The following MEIOSIN variants were observed in gnomAD, a reference collection of about 807,000 sequenced individuals.
MEIOSIN encodes meiosis initiator protein.
A neutral mutation model predicts 23.4 loss-of-function variants in MEIOSIN; 18 were observed. The ratio of observed to expected loss-of-function variants is 0.77; its 90% CI spans 0.53 to 1.14. The LOEUF is 1.14. Ranked by LOEUF, MEIOSIN falls within the 50% of genes most tolerant of loss-of-function variation. MEIOSIN has a pLI of 0.00. For missense variants in MEIOSIN, 428 were observed against 242.9 expected, an observed-to-expected ratio of 1.76 and a Z score of -5.07; for synonymous variants, 187 against 100.6, an observed-to-expected ratio of 1.86 and a Z score of -5.14.
chr19:45,758,834 G>A (rs1397395747), intron 9 of MEIOSIN, 44 bp from the exon 10 acceptor site: 4 of 696,656 alleles, frequency 5.7e-6, no homozygotes, highest in Admixed American at 2.0e-5. Flanking sequence ...TAGGGCAGAG[G>A]GTGATCTCTG....
At chr19:45,742,504 G>A (rs1383028584) in intron 3 of MEIOSIN, among the ~76,000 whole-genome samples, 2 of 151,854 alleles carry the variant, frequency 1.3e-5, no homozygotes, top group East Asian at 2.0e-4. Context: ...AGCAGGCCAG[G>A]CGCGGTGGCT....
intron 11 of MEIOSIN, among the ~76,000 whole-genome samples, chr19:45,760,076 C>T (rs1265482343): frequency 4.0e-5 from 6 of 151,896 alleles, no homozygotes; most frequent in Admixed American, 2.6e-4. Context: ...GCTGGGATTA[C>T]AGGTGTGAGC....
Position 45,758,150 on chromosome 19 carries a change from C to T in MEIOSIN, c.1013-728C>T, listed in dbSNP as rs948500325. ...CTGGGATTACAGGTGTGCACCACCA[C>T]GCCTAGCAAATTTTTATATTTTTAG... is the stretch of plus-strand genomic sequence containing the variant. On this transcript the variant is annotated intron_variant, in intron 9 of 14. Transcript: ENST00000457052. 5.9e-5 allele frequency among the ~76,000 whole-genome samples: 9 copies of T among 151,904 alleles called. No homozygotes were observed. The East Asian group carries it at 7.8e-4, about 13-fold the overall frequency.
At chr19:45,745,641 G>A (rs1204638966) in intron 4 of MEIOSIN, among the ~76,000 whole-genome samples, 2 of 152,182 alleles carry the variant, frequency 1.3e-5, no homozygotes, top group Admixed American at 6.6e-5. Flanking sequence ...AGTTTCTCAG[G>A]CTACCCAGAC....
Position 45,737,466 on chromosome 19 carries a change from C to T in MEIOSIN, c.71+2019C>T, listed in dbSNP as rs138225370. Among the ~76,000 whole-genome samples, 398 of 151,634 alleles carry T rather than the reference C, an allele frequency of 2.6e-3. 1 individual carries two copies. The highest frequency in any genetic ancestry group is 8.8e-3 in the African/African-American group (366 of 41,372). ...CTGGGGTTACAGGCATGAGCCACCA[C>T]GCCTGGCTCTTTCTTTTTAGACAGG... On this transcript the variant is annotated intron_variant, in intron 2 of 14. Transcript: ENST00000457052.
chr19:45,736,273 C>T (rs1215305046), intron 2 of MEIOSIN, among the ~76,000 whole-genome samples: 5 of 152,294 alleles, frequency 3.3e-5, no homozygotes, highest in Non-Finnish European at 2.9e-5. Flanking sequence ...TCTTGAACTT[C>T]TGGCCTCAAG....
In MEIOSIN at chr19:45,750,775, G is replaced by A. The variant is rs1968688549; in HGVS notation, c.407G>A (p.Gly136Asp). 1 of 620,914 alleles carries A rather than the reference G, an allele frequency of 1.6e-6. No homozygotes were observed. Among genetic ancestry groups the A allele is most frequent in the Non-Finnish European group, 2.8e-6 (1 of 351,896 alleles). The allele number at this position is 620,914 out of a possible 1,614,324, so 38.5% of individuals were successfully genotyped here. ...AAATGCCACATCACCACTGGGGAAG[G>A]TGGACTTGCGGGTAAGTAGTTCAGC... ...LFKCHITTGE[G>D]GLAGLGQKPA... Residue 136 changes from glycine (G) to aspartate (D), a missense_variant, in exon 5 of 15, where the codon GGT (glycine) becomes GAT (aspartate). By Grantham distance (94) the Gly-to-Asp change is moderately conservative. Coordinates refer to ENST00000457052, the MANE Select transcript of MEIOSIN (RefSeq NM_001310124.2).
At position 45,745,219 on chromosome 19, in the gene MEIOSIN, G is replaced by A; in HGVS notation, c.204G>A (p.Leu68=). 3 of 702,938 alleles carry A rather than the reference G, an allele frequency of 4.3e-6. No homozygotes were observed. Among genetic ancestry groups the A allele is most frequent in the South Asian group, 1.5e-5 (1 of 67,602 alleles). The allele number at this position is 702,938 out of a possible 1,614,324, so 43.5% of individuals were successfully genotyped here. Residue 68 remains leucine (L), a synonymous_variant, in exon 4 of 15, where the codon CTG becomes CTA. Transcript: ENST00000457052. ...LRNQRNQNKL[L]SPNKKQRKNH... is the part of the protein sequence containing the mutation. The stretch of plus-strand genomic sequence containing the variant: ...ATCAGAGGAACCAAAACAAGCTCCT[G>A]TCCCCAAACAAGAAGCAGAGGAAAA...
At position 45,733,797 on chromosome 19, in the gene MEIOSIN, T is replaced by C. The variant is rs1968364081; in HGVS notation, c.-1+131T>C. 6.6e-6 allele frequency: 1 copy of C among 152,260 alleles called. No homozygotes were observed. Among genetic ancestry groups the C allele is most frequent in the African/African-American group, 2.4e-5 (1 of 41,436 alleles). The allele number at this position is 152,260 out of a possible 1,614,324, so 9.4% of individuals were successfully genotyped here. ...GGGGGCTCAGGGGAATAGAACATGC[T>C]CTGGGTGCAGGGCCACGGGCGACGG... On this transcript the variant is annotated intron_variant, in intron 1 of 14. Coordinates refer to ENST00000457052, the MANE Select transcript of MEIOSIN (RefSeq NM_001310124.2). The surrounding 1 kb of genome is among the most constrained non-coding windows in gnomAD (Gnocchi z 5.7).
At chr19:45,746,538 G>A (rs982626929) in intron 4 of MEIOSIN, among the ~76,000 whole-genome samples, 2 of 152,124 alleles carry the variant, frequency 1.3e-5, no homozygotes, top group Non-Finnish European at 2.9e-5. Flanking sequence ...GGAATAATCA[G>A]GCCATCTCAA....
At chr19:45,741,878 A>T (rs548369915) in intron 3 of MEIOSIN, among the ~76,000 whole-genome samples, 8 of 150,526 alleles carry the variant, frequency 5.3e-5, no homozygotes, top group Admixed American at 1.3e-4. Flanking sequence ...TTATTTATTT[A>T]TTTATTTTTT....
intron 13 of MEIOSIN, 46 bp from the exon 14 acceptor site, chr19:45,763,292 G>T (rs1968985645): frequency 2.5e-6 from 1 of 398,614 alleles, no homozygotes; most frequent in South Asian, 1.3e-4. Flanking sequence ...TCTCAGTCAG[G>T]GTGTCCTGCA....
chr19:45,753,019 G>T (rs1270413646), intron 5 of MEIOSIN, among the ~76,000 whole-genome samples: 1 of 151,348 alleles, frequency 6.6e-6, no homozygotes, highest in African/African-American at 2.4e-5. Flanking sequence ...CACCCCCTGG[G>T]TTCAAGCGAT....
rs772161117 is a variant in MEIOSIN at position 45,756,006 on chromosome 19, C to T, written c.839C>T (p.Pro280Leu). The change falls in exon 8 of 15, where the codon CCT (proline) becomes CTT (leucine). Residue 280 changes from proline (P) to leucine (L), a missense_variant. Physicochemically the swap from Pro to Leu is moderately conservative, Grantham distance 98. Transcript: ENST00000457052. Reference sequence around the variant, plus strand: ...CAGGGCAGTGTCCAGGATGACGCACCTTTCCCTGCGCTCCTGGCTCAGGAA... The same window carrying T: ...CAGGGCAGTGTCCAGGATGACGCACTTTTCCCTGCGCTCCTGGCTCAGGAA... ...WCQGSVQDDA[P>L]FPALLAQEDV... 5.7e-6 allele frequency: 4 copies of T among 702,796 alleles called. No individual in the cohort carries two copies. Among genetic ancestry groups the T allele is most frequent in the South Asian group, 1.5e-5 (1 of 67,594 alleles). 43.5% of individuals were successfully genotyped at this position (702,796 alleles called of 1,614,324 possible).
At chr19:45,741,713 AAACC>A (rs1315783704) in intron 3 of MEIOSIN, among the ~76,000 whole-genome samples, 4 of 152,038 alleles carry the variant, frequency 2.6e-5, no homozygotes, top group Non-Finnish European at 5.9e-5. Flanking sequence ...TCTGCCTCAG[AAACC>A]AACCAACCAA....
Position 45,735,247 on chromosome 19 carries a change from G to A in MEIOSIN, c.1-130G>A, listed in dbSNP as rs888000784. The A allele has an allele frequency of 4.9e-6, 3 of 607,030 alleles. No individual in the cohort carries two copies. In the East Asian group the frequency reaches 8.6e-5, roughly 17 times the overall value. The allele number at this position is 607,030 out of a possible 1,614,324, so 37.6% of individuals were successfully genotyped here. On this transcript the variant is annotated intron_variant, in intron 1 of 14. Coordinates refer to ENST00000457052, the MANE Select transcript of MEIOSIN (RefSeq NM_001310124.2). ...GGGCCCATAATTTGTTGGGGCTAGG[G>A]ACTCTTATTTTGGGATCTCTGGGTG...
In MEIOSIN at chr19:45,761,827, C is replaced by T; in HGVS notation, c.1394C>T (p.Ser465Leu). 1 of 698,272 alleles carries T rather than the reference C, an allele frequency of 1.4e-6. No individual in the cohort carries two copies. The highest frequency in any genetic ancestry group is 2.6e-6 in the Non-Finnish European group (1 of 380,834). 43.3% of individuals were successfully genotyped at this position (698,272 alleles called of 1,614,324 possible). Reference sequence around the variant, plus strand: ...TCCAGCTCCAGCTCCAGCTCCAGCTCGGAGGACAGCGACTCGGAGCCCCTG... The same window carrying T: ...TCCAGCTCCAGCTCCAGCTCCAGCTTGGAGGACAGCGACTCGGAGCCCCTG... ...SSSSSSSSSS[S>L]EDSDSEPLWK... Residue 465 changes from serine to leucine, a missense_variant, in exon 12 of 15, where the codon TCG (serine) becomes TTG (leucine). By Grantham distance (145) the Ser-to-Leu change is moderately radical (BLOSUM62 -2). Coordinates refer to ENST00000457052, the MANE Select transcript of MEIOSIN (RefSeq NM_001310124.2).
At chr19:45,757,072 A>ACC in intron 8 of MEIOSIN, 105 bp from the exon 9 acceptor site, 1 of 618,996 alleles carries the variant, frequency 1.6e-6, no homozygotes, top group South Asian at 1.9e-5. Context: ...TGAGCTTTAC[A>ACC]CCCCCAGCAC....
At chr19:45,759,531 C>T (rs779490673) in intron 11 of MEIOSIN, 41 bp downstream of exon 11, 117 of 701,082 alleles carry the variant, frequency 1.7e-4, no homozygotes, top group African/African-American at 1.5e-3. Flanking sequence ...CACATCCATC[C>T]GTCTTTCCAC....
Sources: allele counts gnomAD v4.1 joint callset (sites outside exome capture counted in the v4.1 genomes callset), GRCh38; gene constraint gnomAD v4.1.1; non-coding constraint Gnocchi (gnomAD v3.1); transcripts MANE v1.5; gene names NCBI Gene and HGNC (gene_info 2026-07-23, HGNC 2026-07-21).